The following HOOK2 variants were observed in gnomAD, a reference collection of about 807,000 sequenced individuals.
HOOK2 encodes hook microtubule tethering protein 2.
Under a neutral mutation model 111.9 loss-of-function variants are expected in HOOK2, and 108 were observed. That is an observed-to-expected ratio of 0.96 (90% CI 0.83 to 1.13). The LOEUF is 1.13. HOOK2 is among the 50% of genes most tolerant of loss of function. The pLI is 0.00. For missense variants in HOOK2, 978 were observed against 951.3 expected (o/e 1.03, Z -0.37); for synonymous variants, 405 against 394.3 (o/e 1.03, Z -0.32).
intron 18 of HOOK2, chr19:12,765,342 A>G (rs1968115571): frequency 3.4e-6 from 2 of 592,740 alleles, no homozygotes; most frequent in South Asian, 2.0e-5. Context: ...ACAGCTCCCA[A>G]GCTGGTTCAG....
In HOOK2 at chr19:12,790,123, G is replaced by C. The variant is rs531295067; in HGVS notation, n.42-15898C>G. On this transcript the variant is annotated intron_variant and non_coding_transcript_variant, in intron 3 of 3. Coordinates refer to the HOOK2 transcript ENST00000589765. This position sits in a 1 kb window ranked among gnomAD's most constrained non-coding sequence, Gnocchi z 7.2. ...TCCGCGGTCCCCTGCAGGCACCGCG[G>C]GCGGAACCATTGCTTGAGGGGAGAG... Among the ~76,000 whole-genome samples the C allele has an allele frequency of 2.0e-5, 3 of 152,314 alleles. No individual in the cohort carries two copies. In the South Asian group the frequency reaches 6.2e-4, roughly 32 times the overall value.
At chr19:12,765,461 AAGC>A in intron 18 of HOOK2, 2 of 611,906 alleles carry the variant, frequency 3.3e-6, no homozygotes, top group Non-Finnish European at 5.8e-6. Context: ...AAAGAAAAGA[AAGC>A]AGGCCAGGCG....
At chr19:12,775,383 C>A (rs1457680661) in intron 1 of HOOK2, 22 bp downstream of exon 1, 1 of 1,609,886 alleles carries the variant, frequency 6.2e-7, no homozygotes, top group Non-Finnish European at 8.5e-7. Context: ...TCACCTTCCC[C>A]TAGCCCCGCC....
chr19:12,791,871 C>T lies in HOOK2; in HGVS notation n.42-17646G>A, dbSNP rs747275291. The T allele has an allele frequency of 6.2e-7, 1 of 1,613,618 alleles. No individual in the cohort carries two copies. Among genetic ancestry groups the T allele is most frequent in the Non-Finnish European group, 8.5e-7 (1 of 1,179,910 alleles). On this transcript the variant is annotated intron_variant and non_coding_transcript_variant, in intron 3 of 3. Coordinates refer to the HOOK2 transcript ENST00000589765. This position sits in a 1 kb window ranked among gnomAD's most constrained non-coding sequence, Gnocchi z 7.0. ...TGGCCTCTCTCTACACGACTACAAA[C>T]TCCTGAAACCGAGCCTGGCGGTCAA...
chr19:12,769,957 TCGGCGTGGC>T lies in HOOK2; in HGVS notation c.1019_1027del (p.Gly340_Ala342del), dbSNP rs930984173. ...CTCATCCTCCAGTTGTCGCGTGCGCTCGGCGTGGCCGGCGTTGCGTTCCTCCAGCTGCCG... is the reference window on the plus strand; with the variant it reads ...CTCATCCTCCAGTTGTCGCGTGCGCTCGGCGTTGCGTTCCTCCAGCTGCCG... On this transcript the variant is annotated inframe_deletion, in exon 11 of 23. Transcript: ENST00000397668. The T allele has an allele frequency of 6.4e-7, 1 of 1,555,970 alleles. No homozygotes were observed. Among genetic ancestry groups the T allele is most frequent in the South Asian group, 1.2e-5 (1 of 84,924 alleles).
upstream of HOOK2, among the ~76,000 whole-genome samples, chr19:12,780,767 A>G (rs1305292876): frequency 2.5e-5 from 3 of 121,878 alleles, no homozygotes; most frequent in Non-Finnish European, 4.9e-5. Context: ...TCAGGAGGTC[A>G]GGAGATCGAG....
chr19:12,767,685 G>A (rs1968195825), intron 13 of HOOK2, 131 bp downstream of exon 13: 1 of 912,488 alleles, frequency 1.1e-6, no homozygotes, highest in Admixed American at 2.4e-5. Context: ...ATTTGACCGT[G>A]TCACCTCTTT....
intron 11 of HOOK2, among the ~76,000 whole-genome samples, chr19:12,768,896 C>G (rs982699077): frequency 6.6e-6 from 1 of 151,996 alleles, no homozygotes; most frequent in Non-Finnish European, 1.5e-5. Context: ...CTCCCAGGTT[C>G]AAGCTATTCT....
rs1274798669 is a variant in HOOK2 at position 12,769,868 on chromosome 19, GC to G, written c.1104+12del. On this transcript the variant is annotated intron_variant, in intron 11 of 22. Transcript: ENST00000397668. ...GGGGCGGGGCCCCGGCCCTAACCCC[GC>G]CCCCGCCGCACCTGCCGCCGCTGCG... 6 of 1,416,302 alleles carry G rather than the reference GC, an allele frequency of 4.2e-6. No individual in the cohort carries two copies. Among genetic ancestry groups the G allele is most frequent in the Admixed American group, 3.2e-5 (1 of 31,242 alleles). 87.7% of individuals were successfully genotyped at this position (1,416,302 alleles called of 1,614,324 possible).
chr19:12,771,596 G>T, intron 7 of HOOK2, 119 bp from the exon 8 acceptor site: 1 of 871,940 alleles, frequency 1.1e-6, no homozygotes, highest in Non-Finnish European at 1.8e-6. Flanking sequence ...TGAAAAGAGG[G>T]CTGGCGCCGG....
intron 6 of HOOK2, 108 bp from the exon 7 acceptor site, chr19:12,772,360 C>A: frequency 7.8e-7 from 1 of 1,283,566 alleles, no homozygotes; most frequent in Non-Finnish European, 1.1e-6. Flanking sequence ...AAGGCCAGTT[C>A]TGCCCAATAA....
intron 7 of HOOK2, chr19:12,771,814 G>A (rs533298306): frequency 8.3e-6 from 3 of 362,060 alleles, no homozygotes; most frequent in South Asian, 6.8e-5. Flanking sequence ...CCCGGGAGGC[G>A]GAGGTTGCAG....
At chr19:12,792,036 C>T in intron 3 of HOOK2, 2 of 1,611,282 alleles carry the variant, frequency 1.2e-6, no homozygotes, top group East Asian at 2.2e-5. Context: ...GGAGCTGGAA[C>T]GCCTGATTGT....
chr19:12,784,011 C>T (rs989983509), intron 3 of HOOK2, among the ~76,000 whole-genome samples: 1 of 151,872 alleles, frequency 6.6e-6, no homozygotes, highest in African/African-American at 2.4e-5. Flanking sequence ...GAGAGGGCCC[C>T]CCCACGCTGC....
intron 11 of HOOK2, 102 bp downstream of exon 11, chr19:12,769,779 T>C: frequency 1.0e-6 from 1 of 981,422 alleles, no homozygotes; most frequent in Non-Finnish European, 1.4e-6. Flanking sequence ...GTGGCCTACG[T>C]ACAAATAAGG....
At chr19:12,781,831 C>T (rs970632608), upstream of HOOK2, among the ~76,000 whole-genome samples, 4 of 151,788 alleles carry the variant, frequency 2.6e-5, no homozygotes, top group African/African-American at 9.7e-5. Context: ...CTGTGTCCCT[C>T]CCTGTTCCTG....
At position 12,765,463 on chromosome 19, in the gene HOOK2, G is replaced by C. The variant is rs1599472313; in HGVS notation, c.1640+227C>G. The C allele has an allele frequency of 2.9e-5, 18 of 612,862 alleles. No homozygotes were observed. The East Asian group carries it at 4.7e-4, about 16-fold the overall frequency. 38.0% of individuals were successfully genotyped at this position (612,862 alleles called of 1,614,324 possible). On this transcript the variant is annotated intron_variant, in intron 18 of 22. Transcript: ENST00000397668. The stretch of plus-strand genomic sequence containing the variant: ...TAGCAGACAGGTAAAAGAAAAGAAA[G>C]CAGGCCAGGCGCGGTGGCTCATGCC...
chr19:12,772,848 T>C lies in HOOK2; in HGVS notation c.320A>G (p.Asp107Gly), dbSNP rs781306732. The change falls in exon 5 of 23, where the codon GAC becomes GGC. Residue 107 changes from aspartate to glycine, a missense_variant. Around this residue, in one of 5 missense-constraint regions of HOOK2, gnomAD observed 301 missense variants for 286.1 expected, o/e 1.05. Coordinates refer to ENST00000397668, the MANE Select transcript of HOOK2 (RefSeq NM_013312.3). ...AAGCAGCTTGCCGAGCTCTGCCGGG[T>C]CTGAGAACTCTCCAATGAGGCTCAC... ...PDVSLIGEFS[D>G]PAELGKLLQL... The C allele has an allele frequency of 5.0e-6, 8 of 1,614,060 alleles. No individual in the cohort carries two copies. The African/African-American group carries it at 1.1e-4, about 22-fold the overall frequency.
At chr19:12,765,422 A>C in intron 18 of HOOK2, 1 of 589,404 alleles carries the variant, frequency 1.7e-6, no homozygotes, top group Non-Finnish European at 3.0e-6. Flanking sequence ...TCTTTCTAGA[A>C]TACAAATCTC....
Sources: gnomAD v4.1 joint callset for allele counts (sites outside exome capture counted in the v4.1 genomes callset) on GRCh38, gnomAD v4.1.1 for gene constraint, gnomAD v4.1.1 regional missense constraint, Gnocchi (gnomAD v3.1) non-coding constraint, MANE v1.5 for transcripts, NCBI Gene and HGNC (gene_info 2026-07-23, HGNC 2026-07-21) for gene names.